The following TUSC3 variants were observed in gnomAD, a reference collection of about 807,000 sequenced individuals.
TUSC3 encodes the protein tumor suppressor candidate 3.
A neutral mutation model predicts 44.8 loss-of-function variants in TUSC3; 45 were observed. That is an observed-to-expected ratio of 1.00 (90% confidence interval 0.79 to 1.29). TUSC3 has a LOEUF of 1.29. Ranked by LOEUF, TUSC3 falls within the 50% of genes most tolerant of loss-of-function variation. The pLI, the probability that TUSC3 is intolerant of heterozygous loss-of-function variation, is 0.00. For missense variants in TUSC3, 519 were observed against 437.9 expected (o/e 1.19, Z -1.65); for synonymous variants, 212 against 152.9 (o/e 1.39, Z -2.85).
rs62502157 is a variant in TUSC3 at position 15,692,552 on chromosome 8, C to T, written c.798+18716C>T. Among the ~76,000 whole-genome samples the T allele has an allele frequency of 9.9e-5, 15 of 151,490 alleles. No individual in the cohort carries two copies. The East Asian group carries it at 2.3e-3, about 24-fold the overall frequency. ...TATTATTGGTCAGTTCAGGGATTCA[C>T]TTTCTTCCTGGTTCAGTCATGGGAG... On this transcript the variant is annotated intron_variant, in intron 6 of 10. Transcript: ENST00000503731.
At chr8:15,491,347 T>C (rs1800806590) in intron 2 of TUSC3, among the ~76,000 whole-genome samples, 1 of 152,138 alleles carries the variant, frequency 6.6e-6, no homozygotes, top group Non-Finnish European at 1.5e-5. Context: ...GGGAGGTATG[T>C]AGCTATCTAG....
intron 1 of TUSC3, among the ~76,000 whole-genome samples, chr8:15,601,854 T>G (rs76564282): frequency 6.6e-6 from 1 of 151,662 alleles, no homozygotes; most frequent in South Asian, 2.1e-4. Flanking sequence ...TTTATGGATA[T>G]ATTTGTATCG....
intron 6 of TUSC3, among the ~76,000 whole-genome samples, chr8:15,725,095 A>T (rs1810449644): frequency 6.6e-6 from 1 of 152,196 alleles, no homozygotes; most frequent in African/African-American, 2.4e-5. Context: ...TTATAATTTT[A>T]AAAATGATCA....
intron 9 of TUSC3, among the ~76,000 whole-genome samples, chr8:15,756,525 G>GTGTT (rs548395908): frequency 2.7e-3 from 413 of 152,144 alleles, no homozygotes; most frequent in African/African-American, 9.2e-3. Flanking sequence ...GTTGTTTCAT[G>GTGTT]TGTTTGTCTT....
chr8:15,800,053 G>C, the TUSC3 span, among the ~76,000 whole-genome samples: 1 of 152,140 alleles, frequency 6.6e-6, no homozygotes, highest in Non-Finnish European at 1.5e-5. Flanking sequence ...TGTCCAAGGG[G>C]ACATAACTCC....
At chr8:15,654,327 G>T (rs540439138) in intron 3 of TUSC3, among the ~76,000 whole-genome samples, 1 of 152,084 alleles carries the variant, frequency 6.6e-6, no homozygotes, top group East Asian at 1.9e-4. Context: ...AAAGGAACTG[G>T]TAACTGTGTG....
intron 1 of TUSC3, among the ~76,000 whole-genome samples, chr8:15,583,652 A>AGG (rs1473826296): frequency 2.0e-5 from 3 of 152,198 alleles, no homozygotes; most frequent in Non-Finnish European, 4.4e-5. Flanking sequence ...GTGGGATAGC[A>AGG]GGATAGCAAG....
intron 6 of TUSC3, among the ~76,000 whole-genome samples, chr8:15,696,967 G>C (rs1809197086): frequency 6.6e-6 from 1 of 152,002 alleles, no homozygotes; most frequent in African/African-American, 2.4e-5. Flanking sequence ...TTTCATTCTT[G>C]CTCCTTGTTA....
At position 15,559,714 on chromosome 8, in the gene TUSC3, T is replaced by G. The variant is rs1174574380; in HGVS notation, c.138+19146T>G. Among the ~76,000 whole-genome samples, 87 of 129,102 alleles carry G rather than the reference T, an allele frequency of 6.7e-4. 11 individuals carry two copies. Among genetic ancestry groups the G allele is most frequent in the Non-Finnish European group, 1.0e-3 (59 of 59,276 alleles). 84.7% of individuals were successfully genotyped at this position (129,102 alleles called of 152,430 possible). ...GTATTGGGTGCATATATATTTAGGA[T>G]AGTTAGCTCTTCTTGTTGAATTGAT... On this transcript the variant is annotated intron_variant, in intron 1 of 10. Coordinates refer to ENST00000503731, the MANE Select transcript of TUSC3 (RefSeq NM_006765.4).
At chr8:15,751,419 C>G (rs1462675951) in intron 9 of TUSC3, among the ~76,000 whole-genome samples, 1 of 152,182 alleles carries the variant, frequency 6.6e-6, no homozygotes, top group African/African-American at 2.4e-5. Context: ...ATACTGTTCT[C>G]TTCAGCTGAT....
intron 7 of TUSC3, among the ~76,000 whole-genome samples, chr8:15,731,587 G>A (rs1810725327): frequency 6.6e-6 from 1 of 152,086 alleles, no homozygotes; most frequent in African/African-American, 2.4e-5. Context: ...TTATGTTAGG[G>A]AAGCCCACTT....
At chr8:15,504,869 G>T (rs553105954) in intron 2 of TUSC3, among the ~76,000 whole-genome samples, 1 of 151,266 alleles carries the variant, frequency 6.6e-6, no homozygotes, top group South Asian at 2.1e-4. Context: ...AGCCAGGATG[G>T]TCTCCATCTC....
At chr8:15,692,039 C>T (rs1808923312) in intron 6 of TUSC3, among the ~76,000 whole-genome samples, 1 of 152,134 alleles carries the variant, frequency 6.6e-6, no homozygotes. Context: ...CCACGGCTTC[C>T]CAAAGTGCTG....
Position 15,758,143 on chromosome 8 carries a change from A to T in TUSC3, c.*46+288A>T, listed in dbSNP as rs1812009568. 6.2e-6 allele frequency: 7 copies of T among 1,132,272 alleles called. No homozygotes were observed. The South Asian group carries it at 1.9e-4, about 30-fold the overall frequency. 70.1% of individuals were successfully genotyped at this position (1,132,272 alleles called of 1,614,324 possible). A position where few individuals can be genotyped will look rare whatever the true frequency, so the allele number is the denominator to read the frequency against. On this transcript the variant is annotated intron_variant, in intron 10 of 10. Transcript: ENST00000503731. Reference sequence around the variant, plus strand: ...TATACTTTCTTAACTTCTGTTTGTTATCACTTAGGGAAAAAAGGCAGTCAA... The same window carrying T: ...TATACTTTCTTAACTTCTGTTTGTTTTCACTTAGGGAAAAAAGGCAGTCAA...
chr8:15,622,473 C>A (rs1389304335), intron 1 of TUSC3, among the ~76,000 whole-genome samples: 1 of 152,066 alleles, frequency 6.6e-6, no homozygotes, highest in African/African-American at 2.4e-5. Flanking sequence ...GCTGTCTCCT[C>A]CCAAACCTCC....
At chr8:15,474,622 T>C (rs548097587) in intron 1 of TUSC3, among the ~76,000 whole-genome samples, 3 of 152,324 alleles carry the variant, frequency 2.0e-5, no homozygotes, top group Admixed American at 2.0e-4. Flanking sequence ...GAAAATTCAG[T>C]AAAGACAATG....
chr8:15,578,111 C>T (rs1293634003), intron 1 of TUSC3, among the ~76,000 whole-genome samples: 11 of 149,502 alleles, frequency 7.4e-5, no homozygotes, highest in African/African-American at 2.5e-4. Context: ...TTTGGCTCTC[C>T]GTTTGTCTGT....
intron 1 of TUSC3, among the ~76,000 whole-genome samples, chr8:15,437,457 G>A (rs1585788682): frequency 6.6e-6 from 1 of 152,124 alleles, no homozygotes; most frequent in Non-Finnish European, 1.5e-5. Context: ...GCTGTTATAA[G>A]TGCTTAGAGC....
chr8:15,840,158 A>G, the TUSC3 span, among the ~76,000 whole-genome samples: 160 of 152,250 alleles, frequency 1.1e-3, 1 homozygote, highest in South Asian at 5.8e-3. Context: ...ACTCTCACTC[A>G]TAGGTGGGAA....
Sources: gnomAD v4.1 joint callset for allele counts (sites outside exome capture counted in the v4.1 genomes callset) on GRCh38, gnomAD v4.1.1 for gene constraint, MANE v1.5 for transcripts, NCBI Gene and HGNC (gene_info 2026-07-23, HGNC 2026-07-21) for gene names.